Variants in DYNC2I1 observed in about 807,000 individuals in gnomAD.
DYNC2I1 encodes the protein dynein 2 intermediate chain 1.
In DYNC2I1, 89 loss-of-function variants were observed where a neutral mutation model predicts 133.4. The ratio of observed to expected loss-of-function variants is 0.67; its 90% confidence interval spans 0.56 to 0.80. DYNC2I1 has a LOEUF of 0.80. Ranked by LOEUF, DYNC2I1 falls within the 30% of genes least tolerant of loss-of-function variation. DYNC2I1 has a pLI of 0.00. For synonymous variants in DYNC2I1, 504 were observed against 484.3 expected (o/e 1.04, Z -0.54); for missense variants, 1,291 against 1,314.5 (o/e 0.98, Z 0.28).
the DYNC2I1 span, among the ~76,000 whole-genome samples, chr7:158,841,471 C>T: frequency 6.6e-6 from 1 of 152,010 alleles, no homozygotes; most frequent in African/African-American, 2.4e-5. Context: ...CCTCAGCCTT[C>T]CAAAGCACTG....
chr7:158,875,966 T>G (rs548903313), intron 3 of DYNC2I1, among the ~76,000 whole-genome samples: 5 of 152,240 alleles, frequency 3.3e-5, no homozygotes, highest in Non-Finnish European at 7.3e-5. Context: ...GCCTGGTTGC[T>G]TCAGCAGCAA....
intron 4 of DYNC2I1, among the ~76,000 whole-genome samples, chr7:158,952,294 C>G (rs990078311): frequency 6.6e-6 from 1 of 152,290 alleles, no homozygotes; most frequent in South Asian, 2.1e-4. Flanking sequence ...CCAGTGAGCA[C>G]GGGAGGAGCA....
At chr7:158,883,666 T>A (rs1170347733) in intron 5 of DYNC2I1, among the ~76,000 whole-genome samples, 1 of 142,528 alleles carries the variant, frequency 7.0e-6, no homozygotes, top group African/African-American at 2.6e-5. Context: ...TTCTTTTTTT[T>A]TTTTTTTTTT....
intron 11 of DYNC2I1, among the ~76,000 whole-genome samples, chr7:158,910,017 C>A (rs542957027): frequency 9.9e-5 from 15 of 152,184 alleles, no homozygotes; most frequent in Admixed American, 3.9e-4. Flanking sequence ...TTGGGCGGGT[C>A]GTTCACTCGG....
downstream of DYNC2I1, among the ~76,000 whole-genome samples, chr7:158,950,475 G>A (rs1264852273): frequency 8.9e-6 from 1 of 112,508 alleles, no homozygotes; most frequent in African/African-American, 3.6e-5. Flanking sequence ...GATTCCAGGT[G>A]TTCTATATGA....
chr7:158,859,215 A>G (rs1176127096), intron 1 of DYNC2I1, among the ~76,000 whole-genome samples: 1 of 151,550 alleles, frequency 6.6e-6, no homozygotes, highest in Non-Finnish European at 1.5e-5. Context: ...GTATGCCCTA[A>G]GAATATCCTT....
chr7:158,867,024 T>G (rs1395272197), intron 1 of DYNC2I1, among the ~76,000 whole-genome samples: 2 of 151,806 alleles, frequency 1.3e-5, no homozygotes, highest in Non-Finnish European at 2.9e-5. Flanking sequence ...ATCTGTTTTT[T>G]TTTTTTTTTT....
intron 8 of DYNC2I1, among the ~76,000 whole-genome samples, chr7:158,893,029 T>C (rs1845390554): frequency 6.6e-6 from 1 of 152,050 alleles, no homozygotes; most frequent in African/African-American, 2.4e-5. Context: ...CTATTATCAA[T>C]GTACCCTACC....
chr7:158,888,302 C>T (rs1237939235), intron 7 of DYNC2I1, among the ~76,000 whole-genome samples: 2 of 152,006 alleles, frequency 1.3e-5, no homozygotes, highest in East Asian at 1.9e-4. Context: ...GGATTACAGG[C>T]GTGAGCCACC....
intron 16 of DYNC2I1, 54 bp from the exon 17 acceptor site, chr7:158,923,517 T>G (rs2129486661): frequency 6.2e-7 from 1 of 1,613,370 alleles, no homozygotes; most frequent in South Asian, 1.1e-5. Flanking sequence ...CAGCTTGTGT[T>G]AGCATGCTTC....
chr7:158,916,140 A>G lies in DYNC2I1; in HGVS notation c.1791+1819A>G, dbSNP rs1248285153. On this transcript the variant is annotated intron_variant, in intron 14 of 24. Coordinates refer to ENST00000407559, the MANE Select transcript of DYNC2I1 (RefSeq NM_018051.5). ...CATTAAGGATGATTGTGAAACGTCG[A>G]CATGGTGGTTGACATTAAGGATGAT... is the stretch of plus-strand genomic sequence containing the variant. Among the ~76,000 whole-genome samples, 8 of 83,404 alleles carry G rather than the reference A, an allele frequency of 9.6e-5. No homozygotes were observed. The South Asian group carries it at 1.7e-3, about 18-fold the overall frequency. The allele number at this position is 83,404 out of a possible 152,430, so 54.7% of individuals were successfully genotyped here.
chr7:158,943,810 C>T (rs1433020316), intron 24 of DYNC2I1, among the ~76,000 whole-genome samples: 2 of 152,194 alleles, frequency 1.3e-5, no homozygotes, highest in Non-Finnish European at 2.9e-5. Flanking sequence ...CAATCTCCAG[C>T]TGAGACCCCG....
In DYNC2I1 at chr7:158,880,003, T is replaced by C. The variant is rs374526880; in HGVS notation, c.879+14T>C. On this transcript the variant is annotated intron_variant, in intron 5 of 24. Coordinates refer to ENST00000407559, the MANE Select transcript of DYNC2I1 (RefSeq NM_018051.5). The stretch of plus-strand genomic sequence containing the variant: ...AGGGAATCCCAGGTACCCCTTCTGA[T>C]GCTTCGTTGCCTTAGCAGCCGCCCC... The C allele has an allele frequency of 1.1e-4, 166 of 1,572,382 alleles. No homozygotes were observed. The highest frequency in any genetic ancestry group is 1.4e-4 in the Non-Finnish European group (159 of 1,164,950).
intron 14 of DYNC2I1, among the ~76,000 whole-genome samples, chr7:158,917,326 C>T (rs906987079): frequency 1.3e-5 from 2 of 150,852 alleles, no homozygotes; most frequent in Admixed American, 6.7e-5. Flanking sequence ...ACTAAACACC[C>T]CCTGCCCTCC....
At chr7:158,947,670 TCA>T (rs1286988691), downstream of DYNC2I1, among the ~76,000 whole-genome samples, 1 of 152,196 alleles carries the variant, frequency 6.6e-6, no homozygotes, top group African/African-American at 2.4e-5. Flanking sequence ...CATCTGCAGC[TCA>T]GTTACGTCCT....
rs79349974 is a variant in DYNC2I1, at chr7:158,922,571, G to A, written c.2094+22G>A. 8.5e-4 allele frequency: 1,371 copies of A among 1,608,780 alleles called. 18 individuals carry two copies. In the Middle Eastern group the frequency reaches 0.015, roughly 18 times the overall value. ...CCAGGTACAGCTCAGGATGAGAGTC[G>A]CACGTTTGATGGGAGGATGGGCAGT... On this transcript the variant is annotated intron_variant, in intron 16 of 24. Transcript: ENST00000407559.
intron 1 of DYNC2I1, among the ~76,000 whole-genome samples, chr7:158,863,701 TG>T: frequency 7.3e-5 from 3 of 41,238 alleles, no homozygotes; most frequent in East Asian, 7.8e-4. Context: ...GCTCCTGGTG[TG>T]TGTGGGGGGG....
At chr7:158,873,352 T>C (rs1335374689) in intron 3 of DYNC2I1, among the ~76,000 whole-genome samples, 1 of 152,228 alleles carries the variant, frequency 6.6e-6, no homozygotes, top group Non-Finnish European at 1.5e-5. Flanking sequence ...GTGAAAAGGA[T>C]GGAAACGAAG....
chr7:158,874,056 G>A (rs934583260), intron 3 of DYNC2I1, among the ~76,000 whole-genome samples: 2 of 151,810 alleles, frequency 1.3e-5, no homozygotes, highest in African/African-American at 4.8e-5. Flanking sequence ...ACAGCGCCCG[G>A]CCAGCACCTG....
Sources: allele counts gnomAD v4.1 joint callset (sites outside exome capture counted in the v4.1 genomes callset), GRCh38; gene constraint gnomAD v4.1.1; transcripts MANE v1.5; gene names NCBI Gene and HGNC (gene_info 2026-07-23, HGNC 2026-07-21).